DRAM2: variants seen among roughly 807,000 people sequenced by gnomAD.
The protein encoded by DRAM2 is DNA damage regulated autophagy modulator 2, also known as DNA damage-regulated autophagy modulator protein 2.
Under a neutral mutation model 33.5 loss-of-function variants are expected in DRAM2, and 26 were observed. The observed-to-expected ratio is 0.78, with a 90% CI of 0.57 to 1.08. The LOEUF (loss-of-function observed/expected upper bound fraction) is 1.08. Ranked by LOEUF, DRAM2 falls within the 50% of genes least tolerant of loss-of-function variation. DRAM2 has a pLI of 0.00. For missense variants in DRAM2, 311 were observed against 318.1 expected (o/e 0.98, Z 0.17); for synonymous variants, 98 against 109.5 (o/e 0.89, Z 0.66).
chr1:111,127,894 T>C (rs1479600730), intron 4 of DRAM2: 1 of 152,194 alleles, frequency 6.6e-6, no homozygotes, highest in African/African-American at 2.4e-5. Flanking sequence ...AAATATATGT[T>C]ATCATTATTC....
At chr1:111,128,915 A>C (rs1367818595) in intron 4 of DRAM2, among the ~76,000 whole-genome samples, 1 of 152,204 alleles carries the variant, frequency 6.6e-6, no homozygotes, top group Admixed American at 6.5e-5. Flanking sequence ...TACCTTCCGG[A>C]GTTACTAAAG....
In DRAM2 at chr1:111,131,429, A is replaced by G. The variant is rs377326704; in HGVS notation, c.126T>C (p.Tyr42=). The stretch of plus-strand genomic sequence containing the variant: ...AAAGAATACATTTCACTTACCTGAT[A>G]TAAGGTAAAGCCGGGTCTATATGGT... The part of the protein sequence containing the change: ...TLHHIDPALP[Y]ISDTGTVAPE... The change falls in exon 4 of 10, where the codon TAT becomes TAC. Residue 42 remains tyrosine (Y), a synonymous_variant. Coordinates refer to ENST00000484310, the MANE Select transcript of DRAM2 (RefSeq NM_001349884.2). 206 of 1,613,252 alleles carry G rather than the reference A, an allele frequency of 1.3e-4. No homozygotes were observed. Among genetic ancestry groups the G allele is most frequent in the Non-Finnish European group, 1.7e-4 (197 of 1,179,646 alleles).
At chr1:111,125,821 T>C (rs1650900074) in intron 5 of DRAM2, among the ~76,000 whole-genome samples, 1 of 152,214 alleles carries the variant, frequency 6.6e-6, no homozygotes, top group African/African-American at 2.4e-5. Context: ...TGCTCAAAAA[T>C]CAAAACATGG....
chr1:111,136,529 G>C (rs962373557), intron 3 of DRAM2, among the ~76,000 whole-genome samples: 1 of 151,990 alleles, frequency 6.6e-6, no homozygotes, highest in African/African-American at 2.4e-5. Flanking sequence ...AGGTTGCAAT[G>C]AGCTGAGATT....
At chr1:111,138,559 G>A (rs1300576163) in intron 2 of DRAM2, among the ~76,000 whole-genome samples, 2 of 152,246 alleles carry the variant, frequency 1.3e-5, no homozygotes, top group East Asian at 3.9e-4. Flanking sequence ...GCCCAGGCGG[G>A]CGGATCACGA....
chr1:111,128,141 T>C (rs927381185), intron 4 of DRAM2: 2 of 148,608 alleles, frequency 1.3e-5, no homozygotes, highest in African/African-American at 2.5e-5. Flanking sequence ...TTTCTTTTTT[T>C]TTTTTTTTTT....
In DRAM2 at chr1:111,136,655, A is replaced by G. The variant is rs368340279; in HGVS notation, c.-15+868T>C. On this transcript the variant is annotated intron_variant, in intron 3 of 9. Transcript: ENST00000484310. ...ATCAACACAGATTGTACCATCTGCT[A>G]TAGCAACCACTGCTACATGTAACTA... Among the ~76,000 whole-genome samples, 12 of 152,342 alleles carry G rather than the reference A, an allele frequency of 7.9e-5. No homozygotes were observed. The South Asian group carries it at 1.2e-3, about 16-fold the overall frequency.
chr1:111,124,965 G>T, intron 5 of DRAM2, 84 bp from the exon 6 acceptor site: 1 of 1,157,756 alleles, frequency 8.6e-7, no homozygotes, highest in Non-Finnish European at 1.2e-6. Context: ...AAAGGTCACT[G>T]CTATCCAGAA....
rs1343268583 is a variant in DRAM2, at chr1:111,117,702, A to G, written c.*458T>C. The G allele has an allele frequency of 6.3e-6, 1 of 158,412 alleles. No individual in the cohort carries two copies. Among genetic ancestry groups the G allele is most frequent in the African/African-American group, 2.4e-5 (1 of 41,486 alleles). The allele number at this position is 158,412 out of a possible 1,614,324, so 9.8% of individuals were successfully genotyped here. ...GTAAGACTACAAGAAATGATTTAAT[A>G]TGATAAAACTCCCATTTCAAAACCC... On this transcript the variant is annotated 3_prime_UTR_variant, in exon 10 of 10. Transcript: ENST00000484310.
At position 111,119,243 on chromosome 1, in the gene DRAM2, A is replaced by C. The variant is rs547859060; in HGVS notation, c.601-346T>G. 6.6e-5 allele frequency among the ~76,000 whole-genome samples: 10 copies of C among 152,180 alleles called. 1 individual carries two copies. In the South Asian group the frequency reaches 2.1e-3, roughly 31 times the overall value. On this transcript the variant is annotated intron_variant, in intron 8 of 9. Coordinates refer to ENST00000484310, the MANE Select transcript of DRAM2 (RefSeq NM_001349884.2). ...GAAAAGTTTAACAATGCTCAGAATA[A>C]ACTTAGTAAGTGCTGTGTTTACGAT... is the stretch of plus-strand genomic sequence containing the variant.
rs1193312524 is a variant in DRAM2, at chr1:111,132,829, C to T, written c.-14-1261G>A. Among the ~76,000 whole-genome samples, 7 of 151,538 alleles carry T rather than the reference C, an allele frequency of 4.6e-5. 2 individuals carry two copies. Among genetic ancestry groups the T allele is most frequent in the Admixed American group, 3.9e-4 (6 of 15,228 alleles). ...CCCAAGTAGCTGGGACCACAAGTAACGCACCACCATGCCCAGCTAACTTTA... is the reference window on the plus strand; with the variant it reads ...CCCAAGTAGCTGGGACCACAAGTAATGCACCACCATGCCCAGCTAACTTTA... On this transcript the variant is annotated intron_variant, in intron 3 of 9. Transcript: ENST00000484310.
intron 3 of DRAM2, among the ~76,000 whole-genome samples, chr1:111,131,864 T>G (rs1473931149): frequency 2.0e-5 from 3 of 152,204 alleles, no homozygotes; most frequent in Non-Finnish European, 4.4e-5. Context: ...TTTCTCCATC[T>G]TCACTGTCAC....
intron 6 of DRAM2, among the ~76,000 whole-genome samples, chr1:111,121,818 T>C (rs2101025668): frequency 6.6e-6 from 1 of 152,254 alleles, no homozygotes; most frequent in East Asian, 1.9e-4. Context: ...AGTACTAAGC[T>C]AGGTGCTGGA....
intron 6 of DRAM2, among the ~76,000 whole-genome samples, chr1:111,122,248 A>G (rs1183387140): frequency 1.3e-5 from 2 of 152,190 alleles, no homozygotes; most frequent in Admixed American, 6.5e-5. Flanking sequence ...CCAAAAGATC[A>G]CTTTTACTGC....
chr1:111,133,433 C>T (rs1438328418), intron 3 of DRAM2, among the ~76,000 whole-genome samples: 1 of 152,176 alleles, frequency 6.6e-6, no homozygotes, highest in Non-Finnish European at 1.5e-5. Context: ...CTGCCTTGGC[C>T]TCCCAAAGTG....
intron 6 of DRAM2, among the ~76,000 whole-genome samples, chr1:111,121,578 A>C (rs1650059856): frequency 1.3e-5 from 2 of 152,206 alleles, no homozygotes; most frequent in Admixed American, 1.3e-4. Context: ...GGTAGTGAAG[A>C]CACTTACCAT....
intron 4 of DRAM2, among the ~76,000 whole-genome samples, chr1:111,131,088 T>C: frequency 6.6e-6 from 1 of 152,274 alleles, no homozygotes. Flanking sequence ...TCTTTTCATA[T>C]CATTATTATT....
At chr1:111,124,702 G>A (rs1412221858) in intron 6 of DRAM2, 40 bp downstream of exon 6, 3 of 1,603,862 alleles carry the variant, frequency 1.9e-6, no homozygotes, top group Non-Finnish European at 1.7e-6. Flanking sequence ...ATATATTTAT[G>A]TACTTAAGGA....
At chr1:111,122,157 G>A (rs908578319) in intron 6 of DRAM2, among the ~76,000 whole-genome samples, 4 of 152,094 alleles carry the variant, frequency 2.6e-5, no homozygotes, top group African/African-American at 4.8e-5. Flanking sequence ...CTCTTGAATT[G>A]TATCTCTTTT....
Sources: allele counts gnomAD v4.1 joint callset (sites outside exome capture counted in the v4.1 genomes callset), GRCh38; gene constraint gnomAD v4.1.1; transcripts MANE v1.5; gene names NCBI Gene and HGNC (gene_info 2026-07-23, HGNC 2026-07-21).